The following CCSAP variants were observed in gnomAD, a reference collection of about 807,000 sequenced individuals.
CCSAP encodes the protein centriole, cilia and spindle associated protein.
A neutral mutation model predicts 25.9 loss-of-function variants in CCSAP; 17 were observed. The observed-to-expected ratio is 0.66, with a 90% confidence interval of 0.45 to 0.99. CCSAP has a LOEUF of 0.99. Among genes scored for constraint, CCSAP ranks in the 50% least tolerant of loss-of-function variants. The pLI, the probability that CCSAP is intolerant of heterozygous loss-of-function variation, is 0.00. For missense variants in CCSAP, 339 were observed against 367.8 expected, an observed-to-expected ratio of 0.92 and a Z score of 0.64; for synonymous variants, 169 against 157.1, an observed-to-expected ratio of 1.08 and a Z score of -0.57.
rs1657949238 is a variant in CCSAP at position 229,326,763 on chromosome 1, A to G, written c.611T>C (p.Val204Ala). Reference sequence around the variant, plus strand: ...CTCGTGCACAGGAGCGGACGCACAGACGTTGTGAGTCTTCTGGCTTCCTGT... The same window carrying G: ...CTCGTGCACAGGAGCGGACGCACAGGCGTTGTGAGTCTTCTGGCTTCCTGT... ...TDTGSQKTHN[V>A]CASAPVHEIH... The change falls in exon 3 of 4, where the codon GTC (valine) becomes GCC (alanine). Residue 204 changes from valine (V) to alanine (A), a missense_variant. Coordinates refer to ENST00000284617, the MANE Select transcript of CCSAP (RefSeq NM_145257.5). The G allele has an allele frequency of 1.2e-6, 2 of 1,614,224 alleles. No individual in the cohort carries two copies. The highest frequency in any genetic ancestry group is 1.7e-6 in the Non-Finnish European group (2 of 1,180,050).
At position 229,325,358 on chromosome 1, in the gene CCSAP, T is replaced by C. The variant is rs1362385672; in HGVS notation, c.690A>G (p.Lys230=). 6.2e-7 allele frequency: 1 copy of C among 1,614,204 alleles called. No homozygotes were observed. Among genetic ancestry groups the C allele is most frequent in the South Asian group, 1.1e-5 (1 of 91,080 alleles). ...GAGCTCGCTGCCTTTGAGCAACCAG[T>C]TTCCTTTTTTCCACCTGTCTTCTGT... ...AKNRRQVEKR[K]LVAQRQRAHS... is the part of the protein sequence containing the mutation. Residue 230 remains lysine, a synonymous_variant, in exon 4 of 4, where the codon AAA becomes AAG. Coordinates refer to ENST00000284617, the MANE Select transcript of CCSAP (RefSeq NM_145257.5).
At chr1:229,340,655 T>C (rs566171708) in intron 2 of CCSAP, 2 of 432,242 alleles carry the variant, frequency 4.6e-6, no homozygotes, top group African/African-American at 4.0e-5. Flanking sequence ...GCATCAGGAT[T>C]TGTGGGGATT....
chr1:229,328,468 T>C lies in CCSAP; in HGVS notation c.368-1462A>G, dbSNP rs1276160767. Among the ~76,000 whole-genome samples, 4 of 97,904 alleles carry C rather than the reference T, an allele frequency of 4.1e-5. No individual in the cohort carries two copies. In the East Asian group the frequency reaches 1.0e-3, roughly 24 times the overall value. 64.2% of individuals were successfully genotyped at this position (97,904 alleles called of 152,430 possible). ...GGAGTGCATCACCATGCCCAGGCAA[T>C]TTACAAAAAAATTTTTTTTGTAGAG... On this transcript the variant is annotated intron_variant, in intron 2 of 3. Transcript: ENST00000284617.
intron 2 of CCSAP, among the ~76,000 whole-genome samples, chr1:229,335,919 C>T (rs541488973): frequency 4.0e-5 from 6 of 151,064 alleles, no homozygotes; most frequent in South Asian, 2.1e-4. Context: ...TGAAAATATT[C>T]GGGAAAAATA....
chr1:229,331,654 A>G (rs1571852781), intron 2 of CCSAP, among the ~76,000 whole-genome samples: 1 of 151,888 alleles, frequency 6.6e-6, no homozygotes, highest in Admixed American at 6.6e-5. Flanking sequence ...CAGGACTCTA[A>G]TCTTCCACAC....
intron 2 of CCSAP, among the ~76,000 whole-genome samples, chr1:229,334,707 A>G (rs1427007673): frequency 2.0e-5 from 3 of 152,182 alleles, no homozygotes; most frequent in African/African-American, 7.2e-5. Context: ...AGAAGAAAGT[A>G]AAAATAAAAA....
intron 2 of CCSAP, among the ~76,000 whole-genome samples, chr1:229,334,795 G>T (rs1453744323): frequency 6.6e-6 from 1 of 152,212 alleles, no homozygotes; most frequent in East Asian, 1.9e-4. Flanking sequence ...GTTCCTTAAA[G>T]CTTATAGTCT....
At chr1:229,326,250 T>G (rs1454409463) in intron 3 of CCSAP, among the ~76,000 whole-genome samples, 1 of 152,210 alleles carries the variant, frequency 6.6e-6, no homozygotes, top group Admixed American at 6.5e-5. Context: ...TGCAGCCATT[T>G]GAATTTAATC....
intron 2 of CCSAP, among the ~76,000 whole-genome samples, chr1:229,329,179 C>A (rs920910720): frequency 2.0e-5 from 3 of 152,198 alleles, no homozygotes; most frequent in African/African-American, 7.2e-5. Flanking sequence ...AAGCAGCCAC[C>A]CAAGTCATCT....
chr1:229,330,638 C>A (rs1244284877), intron 2 of CCSAP, among the ~76,000 whole-genome samples: 4 of 151,986 alleles, frequency 2.6e-5, no homozygotes, highest in Non-Finnish European at 4.4e-5. Flanking sequence ...GTCAGGAGAT[C>A]TAGACCATCC....
chr1:229,328,918 T>C (rs1658006312), intron 2 of CCSAP, among the ~76,000 whole-genome samples: 1 of 152,218 alleles, frequency 6.6e-6, no homozygotes, highest in African/African-American at 2.4e-5. Context: ...TTGGAGTGCA[T>C]CATCTCTTTA....
chr1:229,328,767 C>T, intron 2 of CCSAP, among the ~76,000 whole-genome samples: 1 of 152,246 alleles, frequency 6.6e-6, no homozygotes, highest in East Asian at 1.9e-4. Context: ...CAAACTGGCA[C>T]ATACTTGTAA....
intron 3 of CCSAP, among the ~76,000 whole-genome samples, chr1:229,325,737 G>A (rs565424238): frequency 6.6e-6 from 1 of 152,350 alleles, no homozygotes; most frequent in African/African-American, 2.4e-5. Flanking sequence ...TTAAACATAA[G>A]TATTTAATTA....
In CCSAP at chr1:229,322,882, C is replaced by G. The variant is rs2102689273; in HGVS notation, c.*2353G>C. On this transcript the variant is annotated 3_prime_UTR_variant, in exon 4 of 4. Coordinates refer to ENST00000284617, the MANE Select transcript of CCSAP (RefSeq NM_145257.5). ...CATTTATTTTAAATATCATTGGGTT[C>G]TCTGTTTCAGACTTTTTCAACATGA... 6.6e-6 allele frequency: 1 copy of G among 152,246 alleles called. No individual in the cohort carries two copies. The highest frequency in any genetic ancestry group is 2.1e-4 in the South Asian group (1 of 4,824). 9.4% of individuals were successfully genotyped at this position (152,246 alleles called of 1,614,324 possible).
intron 2 of CCSAP, among the ~76,000 whole-genome samples, chr1:229,330,602 G>C (rs749884998): frequency 7.9e-5 from 12 of 152,238 alleles, no homozygotes; most frequent in Non-Finnish European, 1.6e-4. Flanking sequence ...CAGCACTTTG[G>C]GAGGCCGAGG....
chr1:229,334,690 G>T (rs1379744616), intron 2 of CCSAP, among the ~76,000 whole-genome samples: 1 of 152,110 alleles, frequency 6.6e-6, no homozygotes, highest in Non-Finnish European at 1.5e-5. Flanking sequence ...GTCTGATCAA[G>T]AAACAGAGAA....
chr1:229,342,519 G>A lies in CCSAP; in HGVS notation c.-48-6C>T. On this transcript the variant is annotated splice_region_variant and splice_polypyrimidine_tract_variant and intron_variant, in intron 1 of 3. Coordinates refer to ENST00000284617, the MANE Select transcript of CCSAP (RefSeq NM_145257.5). This position sits in a 1 kb window ranked among gnomAD's most constrained non-coding sequence, Gnocchi z 7.5. ...CGCTCCTCGCTGCCCGCAGCCTACGGGACCCGGTACACGACACAGAGGCCG... is the reference window on the plus strand; with the variant it reads ...CGCTCCTCGCTGCCCGCAGCCTACGAGACCCGGTACACGACACAGAGGCCG... 8.1e-7 allele frequency: 1 copy of A among 1,237,516 alleles called. No homozygotes were observed. The highest frequency in any genetic ancestry group is 1.0e-6 in the Non-Finnish European group (1 of 967,896). The allele number at this position is 1,237,516 out of a possible 1,614,324, so 76.7% of individuals were successfully genotyped here.
intron 2 of CCSAP, among the ~76,000 whole-genome samples, chr1:229,336,384 T>C (rs368898737): frequency 2.6e-5 from 4 of 152,046 alleles, no homozygotes; most frequent in East Asian, 3.9e-4. Flanking sequence ...AACAGCTTCC[T>C]GAAAACAGAA....
intron 2 of CCSAP, among the ~76,000 whole-genome samples, chr1:229,330,599 T>C (rs922486300): frequency 6.6e-6 from 1 of 152,104 alleles, no homozygotes; most frequent in Non-Finnish European, 1.5e-5. Context: ...TCCCAGCACT[T>C]TGGGAGGCCG....
Sources: allele counts gnomAD v4.1 joint callset (sites outside exome capture counted in the v4.1 genomes callset), GRCh38; gene constraint gnomAD v4.1.1; non-coding constraint Gnocchi (gnomAD v3.1); transcripts MANE v1.5; gene names NCBI Gene and HGNC (gene_info 2026-07-23, HGNC 2026-07-21).